Variants in HAUS6 observed in about 807,000 individuals in gnomAD.
HAUS6 encodes the protein HAUS augmin like complex subunit 6, also known as HAUS augmin-like complex subunit 6.
HAUS6 carries 80 observed loss-of-function variants against 106.8 expected under a neutral mutation model. The observed-to-expected ratio is 0.75, with a 90% confidence interval of 0.63 to 0.90. HAUS6 has a LOEUF of 0.90. Ranked by LOEUF, HAUS6 falls within the 40% of genes least tolerant of loss-of-function variation. HAUS6 has a pLI of 0.00. For missense variants in HAUS6, 1,155 were observed against 1,118.1 expected (o/e 1.03, Z -0.47); for synonymous variants, 356 against 379.1 (o/e 0.94, Z 0.71).
intron 12 of HAUS6, among the ~76,000 whole-genome samples, chr9:19,069,975 G>A (rs954285791): frequency 6.6e-6 from 1 of 151,864 alleles, no homozygotes; most frequent in African/African-American, 2.4e-5. Context: ...TGCCTGTACT[G>A]GTCTAGAACT....
At chr9:19,088,781 G>A (rs1450386820) in intron 5 of HAUS6, among the ~76,000 whole-genome samples, 2 of 151,754 alleles carry the variant, frequency 1.3e-5, no homozygotes, top group Non-Finnish European at 1.5e-5. Context: ...AGGAGCCTGA[G>A]GCAGGAGAAT....
Position 19,098,018 on chromosome 9 carries a change from T to C in HAUS6, c.129-1249A>G, listed in dbSNP as rs544673236. Among the ~76,000 whole-genome samples the C allele has an allele frequency of 2.0e-4, 31 of 152,348 alleles. No homozygotes were observed. In the South Asian group the frequency reaches 6.0e-3, roughly 30 times the overall value. On this transcript the variant is annotated intron_variant, in intron 1 of 16. Coordinates refer to ENST00000380502, the MANE Select transcript of HAUS6 (RefSeq NM_017645.5). ...TTCAAGTAACACAAATGAAGTTCCATCTATCCTACTTCCTTACCATCTCTC... is the reference window on the plus strand; with the variant it reads ...TTCAAGTAACACAAATGAAGTTCCACCTATCCTACTTCCTTACCATCTCTC...
chr9:19,056,420 A>T lies in HAUS6; in HGVS notation c.2807-16T>A, dbSNP rs550364315. On this transcript the variant is annotated splice_polypyrimidine_tract_variant and intron_variant, in intron 16 of 16. Coordinates refer to ENST00000380502, the MANE Select transcript of HAUS6 (RefSeq NM_017645.5). Reference sequence around the variant, plus strand: ...ATGTCTTCTTCTGCAAATTGATTTTAAAAAAGTATAAGCAAACATTACAAA... The same window carrying T: ...ATGTCTTCTTCTGCAAATTGATTTTTAAAAAGTATAAGCAAACATTACAAA... 4.0e-5 allele frequency: 55 copies of T among 1,386,146 alleles called. No individual in the cohort carries two copies. The highest frequency in any genetic ancestry group is 3.8e-4 in the African/African-American group (27 of 70,620). 85.9% of individuals were successfully genotyped at this position (1,386,146 alleles called of 1,614,324 possible).
intron 7 of HAUS6, among the ~76,000 whole-genome samples, chr9:19,085,412 T>C (rs1235308207): frequency 6.6e-6 from 1 of 152,106 alleles, no homozygotes; most frequent in Non-Finnish European, 1.5e-5. Flanking sequence ...GCCTTGCCTG[T>C]TCTCCTCATT....
chr9:19,079,922 C>A (rs1837101337), intron 9 of HAUS6, among the ~76,000 whole-genome samples: 1 of 144,682 alleles, frequency 6.9e-6, no homozygotes, highest in African/African-American at 2.6e-5. Flanking sequence ...CGCCTGTAAT[C>A]CCAGCACTTT....
intron 4 of HAUS6, among the ~76,000 whole-genome samples, chr9:19,089,959 A>G (rs969230620): frequency 2.6e-5 from 4 of 151,958 alleles, no homozygotes; most frequent in African/African-American, 9.7e-5. Flanking sequence ...CAGCCTCCAG[A>G]GTAGCTGAGA....
chr9:19,057,630 T>C (rs946648554), intron 16 of HAUS6: 5 of 329,022 alleles, frequency 1.5e-5, no homozygotes, highest in Non-Finnish European at 2.7e-5. Flanking sequence ...ATATTTAAAA[T>C]TGGGTTTCTC....
chr9:19,067,640 G>C (rs759860345), intron 12 of HAUS6, among the ~76,000 whole-genome samples: 5 of 152,032 alleles, frequency 3.3e-5, no homozygotes, highest in Non-Finnish European at 7.4e-5. Flanking sequence ...TGAGTTTCTG[G>C]CTCTTACAGA....
chr9:19,063,681 T>TA (rs1564008370), intron 12 of HAUS6, 101 bp from the exon 13 acceptor site: 2 of 855,008 alleles, frequency 2.3e-6, no homozygotes, highest in East Asian at 2.4e-5. Flanking sequence ...ATCTGTCCGT[T>TA]ACGATTTCAC....
At chr9:19,064,607 A>C (rs1836718531) in intron 12 of HAUS6, among the ~76,000 whole-genome samples, 1 of 152,232 alleles carries the variant, frequency 6.6e-6, no homozygotes, top group African/African-American at 2.4e-5. Flanking sequence ...AGGATTATCA[A>C]AGACTGCTTT....
intron 7 of HAUS6, among the ~76,000 whole-genome samples, chr9:19,085,930 T>G (rs376150041): frequency 7.2e-5 from 11 of 152,160 alleles, no homozygotes; most frequent in African/African-American, 2.6e-4. Flanking sequence ...CATTTTTCCA[T>G]TATATTCAAG....
At chr9:19,077,186 G>A (rs1265969361) in intron 10 of HAUS6, among the ~76,000 whole-genome samples, 1 of 152,130 alleles carries the variant, frequency 6.6e-6, no homozygotes, top group Non-Finnish European at 1.5e-5. Flanking sequence ...AGGAGCAAGG[G>A]GGATTACTTA....
chr9:19,075,862 C>G (rs1836988162), intron 11 of HAUS6, among the ~76,000 whole-genome samples: 1 of 151,210 alleles, frequency 6.6e-6, no homozygotes, highest in Non-Finnish European at 1.5e-5. Context: ...GAGGCTGAGG[C>G]AAGATGGTTA....
At chr9:19,100,013 A>G (rs777788252) in intron 1 of HAUS6, among the ~76,000 whole-genome samples, 1 of 152,160 alleles carries the variant, frequency 6.6e-6, no homozygotes, top group Non-Finnish European at 1.5e-5. Context: ...GCTAAGATGG[A>G]GAAACCCGGT....
intron 11 of HAUS6, among the ~76,000 whole-genome samples, chr9:19,072,748 A>G (rs753647823): frequency 2.0e-5 from 3 of 152,232 alleles, no homozygotes; most frequent in African/African-American, 4.8e-5. Context: ...ACTTTGAGAT[A>G]CACTTCTCAA....
intron 15 of HAUS6, 59 bp downstream of exon 15, chr9:19,060,029 G>A (rs759583925): frequency 1.5e-5 from 21 of 1,384,076 alleles, no homozygotes; most frequent in Non-Finnish European, 2.1e-5. Context: ...TCAGGCCATG[G>A]TTCTAACAGT....
chr9:19,076,384 T>C (rs577600268), intron 11 of HAUS6, among the ~76,000 whole-genome samples: 23 of 151,990 alleles, frequency 1.5e-4, no homozygotes, highest in African/African-American at 5.3e-4. Context: ...GTTCAAGAAC[T>C]AGATAGTGAT....
chr9:19,076,169 G>A (rs112140405), intron 11 of HAUS6, among the ~76,000 whole-genome samples: 19,406 of 150,738 alleles, frequency 0.13, 1,328 homozygotes, highest in Admixed American at 0.17. Context: ...AGATCAGCCC[G>A]GGCAACATGG....
intron 6 of HAUS6, 24 bp from the exon 7 acceptor site, chr9:19,086,806 T>C (rs908552284): frequency 1.1e-6 from 1 of 920,316 alleles, no homozygotes; most frequent in Non-Finnish European, 1.7e-6. Flanking sequence ...AATAATCTAA[T>C]TAGTCATATT....
Sources: allele counts gnomAD v4.1 joint callset (sites outside exome capture counted in the v4.1 genomes callset), GRCh38; gene constraint gnomAD v4.1.1; transcripts MANE v1.5; gene names NCBI Gene and HGNC (gene_info 2026-07-23, HGNC 2026-07-21).